The following B4GALT6 variants were observed in gnomAD, a reference collection of about 807,000 sequenced individuals.
B4GALT6 encodes beta-1,4-galactosyltransferase 6, also known as UDP-Gal:beta-GlcNAc beta-1,4-galactosyltransferase 6.
Under a neutral mutation model 46.3 loss-of-function variants are expected in B4GALT6, and 14 were observed. The ratio of observed to expected loss-of-function variants is 0.30; its 90% CI spans 0.20 to 0.47. B4GALT6 has a LOEUF of 0.47. Among genes scored for constraint, B4GALT6 ranks in the 20% least tolerant of loss-of-function variants. B4GALT6 has a pLI of 0.99. For synonymous variants in B4GALT6, 168 were observed against 162.0 expected, an observed-to-expected ratio of 1.04 and a Z score of -0.28; for missense variants, 386 against 480.1, an observed-to-expected ratio of 0.80 and a Z score of 1.83.
upstream of B4GALT6, among the ~76,000 whole-genome samples, chr18:31,688,882 C>T (rs10775449): frequency 0.45 from 68,550 of 152,054 alleles, 18,092 homozygotes; most frequent in South Asian, 0.68. Context: ...CTTATCTTCA[C>T]ACACATTATT....
At chr18:31,637,668 C>T (rs989312733) in intron 5 of B4GALT6, among the ~76,000 whole-genome samples, 1 of 152,102 alleles carries the variant, frequency 6.6e-6, no homozygotes, top group African/African-American at 2.4e-5. Flanking sequence ...CCCCACAGTA[C>T]AAAGAAATCC....
At chr18:31,638,594 A>G in intron 5 of B4GALT6, 50 bp downstream of exon 5, 1 of 1,346,154 alleles carries the variant, frequency 7.4e-7, no homozygotes, top group Non-Finnish European at 1.1e-6. Flanking sequence ...ACCATATCTA[A>G]GAGTTTAGAT....
At chr18:31,648,261 T>TA (rs2074017397) in intron 3 of B4GALT6, among the ~76,000 whole-genome samples, 2 of 152,236 alleles carry the variant, frequency 1.3e-5, no homozygotes, top group Non-Finnish European at 2.9e-5. Context: ...CTTTCCCAGT[T>TA]AGAGATTTAA....
At chr18:31,630,026 A>G (rs1372155055) in intron 6 of B4GALT6, among the ~76,000 whole-genome samples, 2 of 136,256 alleles carry the variant, frequency 1.5e-5, no homozygotes, top group African/African-American at 2.7e-5. Flanking sequence ...GAGAAGGAGA[A>G]GCAGGAAGGA....
rs1394087502 is a variant in B4GALT6 at position 31,664,960 on chromosome 18, T to C, written c.232+1296A>G. 2.0e-5 allele frequency among the ~76,000 whole-genome samples: 3 copies of C among 152,210 alleles called. No homozygotes were observed. The East Asian group carries it at 5.8e-4, about 29-fold the overall frequency. On this transcript the variant is annotated intron_variant, in intron 2 of 8. Transcript: ENST00000306851. ...AATAAAACAAGAGTGTTTTGATTTGTGGCATCATAAACATATTAGGCAAAT... is the reference window on the plus strand; with the variant it reads ...AATAAAACAAGAGTGTTTTGATTTGCGGCATCATAAACATATTAGGCAAAT...
chr18:31,670,867 C>T lies in B4GALT6; in HGVS notation c.116-4495G>A, dbSNP rs373116569. Among the ~76,000 whole-genome samples, 15 of 152,246 alleles carry T rather than the reference C, an allele frequency of 9.9e-5. No individual in the cohort carries two copies. The East Asian group carries it at 2.7e-3, about 27-fold the overall frequency. On this transcript the variant is annotated intron_variant, in intron 1 of 8. Transcript: ENST00000306851. ...GCTGCACCCATCAACCCGTCACCTA[C>T]ATTAGGTATTTCTCCTAATGTTATC... is the stretch of plus-strand genomic sequence containing the variant.
At chr18:31,722,638 C>T in the B4GALT6 span, among the ~76,000 whole-genome samples, 1 of 152,182 alleles carries the variant, frequency 6.6e-6, no homozygotes, top group Non-Finnish European at 1.5e-5. Flanking sequence ...CCTAGGAGCA[C>T]AGGCCTGAAG....
chr18:31,627,698 A>G (rs1682787074), intron 6 of B4GALT6, among the ~76,000 whole-genome samples: 1 of 152,216 alleles, frequency 6.6e-6, no homozygotes, highest in Admixed American at 6.5e-5. Flanking sequence ...TATTTACAGA[A>G]ATAACTATTT....
At chr18:31,700,817 G>A in the B4GALT6 span, among the ~76,000 whole-genome samples, 4 of 152,036 alleles carry the variant, frequency 2.6e-5, no homozygotes, top group African/African-American at 9.7e-5. Context: ...GGTCAGTGCT[G>A]CCTGTATCAA....
At chr18:31,627,974 G>A (rs2073722835) in intron 6 of B4GALT6, among the ~76,000 whole-genome samples, 1 of 152,178 alleles carries the variant, frequency 6.6e-6, no homozygotes, top group Non-Finnish European at 1.5e-5. Flanking sequence ...TCAAGCTGAG[G>A]GAAACCTGGC....
the B4GALT6 span, among the ~76,000 whole-genome samples, chr18:31,712,300 T>C: frequency 4.4e-5 from 2 of 45,052 alleles, no homozygotes; most frequent in African/African-American, 8.8e-5. Flanking sequence ...TTTTTTTTTT[T>C]TTTTTTTTTT....
intron 4 of B4GALT6, among the ~76,000 whole-genome samples, chr18:31,644,790 T>C (rs1346077738): frequency 1.1e-4 from 17 of 152,220 alleles, no homozygotes; most frequent in Admixed American, 6.5e-5. Flanking sequence ...GAAAGAAAGC[T>C]TGGGCTGTGC....
Position 31,625,641 on chromosome 18 carries a change from T to C in B4GALT6, c.1122A>G (p.Pro374=), listed in dbSNP as rs761141878. 6 of 1,613,298 alleles carry C rather than the reference T, an allele frequency of 3.7e-6. No individual in the cohort carries two copies. The highest frequency in any genetic ancestry group is 5.1e-6 in the Non-Finnish European group (6 of 1,179,688). ...LYTNISVNLM[P]ELAPIEDY ...AATAGTCTTCGATTGGAGCTAACTC[T>C]GGCATGAGGTTTACAGATATGTTTG... The change falls in exon 9 of 9, where the codon CCA becomes CCG. Residue 374 remains proline (P), a synonymous_variant. Transcript: ENST00000306851.
intron 3 of B4GALT6, among the ~76,000 whole-genome samples, chr18:31,647,028 G>T (rs2073999257): frequency 1.3e-5 from 2 of 152,192 alleles, no homozygotes; most frequent in South Asian, 4.1e-4. Flanking sequence ...CAGAGAAAGA[G>T]TAAGTAAAAT....
At chr18:31,698,705 G>C in the B4GALT6 span, among the ~76,000 whole-genome samples, 2 of 151,448 alleles carry the variant, frequency 1.3e-5, no homozygotes, top group East Asian at 3.9e-4. Context: ...CCACTAACCA[G>C]TATACTCAGT....
At chr18:31,663,108 G>A (rs1373768603) in intron 2 of B4GALT6, among the ~76,000 whole-genome samples, 2 of 152,132 alleles carry the variant, frequency 1.3e-5, no homozygotes, top group African/African-American at 2.4e-5. Flanking sequence ...GGCAAACAAA[G>A]AATGAAAACT....
the B4GALT6 span, among the ~76,000 whole-genome samples, chr18:31,718,592 G>A: frequency 6.6e-5 from 10 of 152,184 alleles, no homozygotes; most frequent in South Asian, 4.2e-4. Context: ...AGCCAGCCCC[G>A]ACTTCCATAT....
intron 1 of B4GALT6, among the ~76,000 whole-genome samples, chr18:31,678,631 T>G (rs985693259): frequency 2.6e-5 from 4 of 152,218 alleles, no homozygotes; most frequent in African/African-American, 9.7e-5. Flanking sequence ...CTTCCTTCTC[T>G]CATTTCACAG....
At chr18:31,706,273 A>G in the B4GALT6 span, among the ~76,000 whole-genome samples, 39 of 152,232 alleles carry the variant, frequency 2.6e-4, no homozygotes, top group African/African-American at 8.4e-4. Flanking sequence ...AATATATATT[A>G]CATATGTGTG....
Sources: allele counts gnomAD v4.1 joint callset (sites outside exome capture counted in the v4.1 genomes callset), GRCh38; gene constraint gnomAD v4.1.1; transcripts MANE v1.5; gene names NCBI Gene and HGNC (gene_info 2026-07-23, HGNC 2026-07-21).